Variants in PCDHGA5 observed in about 807,000 individuals in gnomAD.
PCDHGA5 encodes protocadherin gamma subfamily A, 5.
PCDHGA5 carries 36 observed loss-of-function variants against 56.7 expected under a neutral mutation model. The observed-to-expected ratio is 0.64, with a 90% CI of 0.49 to 0.84. PCDHGA5 has a LOEUF of 0.84. Ranked by LOEUF, PCDHGA5 falls within the 40% of genes least tolerant of loss-of-function variation. The pLI, the probability that PCDHGA5 is intolerant of heterozygous loss-of-function variation, is 0.00. For missense variants in PCDHGA5, 1,305 were observed against 1,201.5 expected, an observed-to-expected ratio of 1.09 and a Z score of -1.27; for synonymous variants, 563 against 520.2, an observed-to-expected ratio of 1.08 and a Z score of -1.12.
At chr5:141,403,721 C>G (rs748888364) in intron 1 of PCDHGA5, 2 of 1,613,872 alleles carry the variant, frequency 1.2e-6, no homozygotes, top group East Asian at 2.2e-5. Flanking sequence ...GAACGTGCCC[C>G]CAGGCACCTG....
chr5:141,423,806 T>C (rs2096783171), intron 1 of PCDHGA5: 1 of 1,251,576 alleles, frequency 8.0e-7, no homozygotes, highest in Non-Finnish European at 1.0e-6. Flanking sequence ...GCAATACATG[T>C]GAGTTTTACT....
Position 141,485,920 on chromosome 5 carries a change from T to C in PCDHGA5, c.2422-8887T>C, listed in dbSNP as rs1374948804. ...CCTTCCAGCAATCCAGCTACAGGAT[T>C]AGTGTGTTGGAGAGCGCACCAGCGG... On this transcript the variant is annotated intron_variant, in intron 1 of 3. Transcript: ENST00000518069. This position sits in a 1 kb window ranked among gnomAD's most constrained non-coding sequence, Gnocchi z 5.7. 1.2e-6 allele frequency: 2 copies of C among 1,614,038 alleles called. No individual in the cohort carries two copies. Among genetic ancestry groups the C allele is most frequent in the Non-Finnish European group, 1.7e-6 (2 of 1,180,010 alleles).
chr5:141,377,666 T>C (rs1416026384), intron 1 of PCDHGA5: 1 of 152,116 alleles, frequency 6.6e-6, no homozygotes, highest in Admixed American at 6.5e-5. Context: ...ACGACAGACG[T>C]TCATACAAGA....
rs1241061038 is a variant in PCDHGA5 at position 141,394,846 on chromosome 5, T to C, written c.2421+28095T>C. ...GAAGTCCTGACCGAGTTGGGCAGTC[T>C]GAAGCCTTCGGTCGACCCGAACGAT... On this transcript the variant is annotated intron_variant, in intron 1 of 3. Coordinates refer to ENST00000518069, the MANE Select transcript of PCDHGA5 (RefSeq NM_018918.3). The C allele has an allele frequency of 1.9e-6, 3 of 1,613,732 alleles. No homozygotes were observed. In the African/African-American group the frequency reaches 4.0e-5, roughly 22 times the overall value.
chr5:141,458,970 C>T (rs1260904595), intron 1 of PCDHGA5, among the ~76,000 whole-genome samples: 1 of 152,170 alleles, frequency 6.6e-6, no homozygotes, highest in Admixed American at 6.6e-5. Flanking sequence ...CAGCCTCAAG[C>T]AGTCCTCCTG....
chr5:141,368,303 C>A lies in PCDHGA5; in HGVS notation c.2421+1552C>A, dbSNP rs981191656. ...CCACTTGATTTTTATTTTTTAAACA[C>A]TGTTAAAGAGCATTCAAGTATATCT... On this transcript the variant is annotated intron_variant, in intron 1 of 3. Transcript: ENST00000518069. Among the ~76,000 whole-genome samples, 12 of 152,184 alleles carry A rather than the reference C, an allele frequency of 7.9e-5. No homozygotes were observed. In the East Asian group the frequency reaches 2.3e-3, roughly 29 times the overall value.
chr5:141,455,852 T>C (rs2154565235), intron 1 of PCDHGA5, among the ~76,000 whole-genome samples: 1 of 148,622 alleles, frequency 6.7e-6, no homozygotes, highest in South Asian at 2.1e-4. Context: ...CATAAAATAA[T>C]TTCTTTTATT....
At chr5:141,423,100 G>A in intron 1 of PCDHGA5, 1 of 1,613,944 alleles carries the variant, frequency 6.2e-7, no homozygotes, top group Non-Finnish European at 8.5e-7. Context: ...GGAGCACACG[G>A]GCGAGGTGCG....
intron 1 of PCDHGA5, among the ~76,000 whole-genome samples, chr5:141,373,236 T>A (rs1331345461): frequency 2.6e-5 from 4 of 152,248 alleles, no homozygotes; most frequent in African/African-American, 9.6e-5. Context: ...ATAATATTTT[T>A]ACTTCCCTTT....
intron 1 of PCDHGA5, chr5:141,421,750 C>G: frequency 6.2e-7 from 1 of 1,613,906 alleles, no homozygotes; most frequent in East Asian, 2.2e-5. Flanking sequence ...CCAGCTCAGC[C>G]CTAATAATTA....
At position 141,409,941 on chromosome 5, in the gene PCDHGA5, G is replaced by C. The variant is rs757414302; in HGVS notation, c.2421+43190G>C. ...TCCGCGTTCTTCGATATGGTACCTC[G>C]CTCTGCAGAGCCCGGCTACCTAGTG... On this transcript the variant is annotated intron_variant, in intron 1 of 3. Transcript: ENST00000518069. 1.9e-6 allele frequency: 3 copies of C among 1,613,226 alleles called. No homozygotes were observed. In the South Asian group the frequency reaches 3.3e-5, roughly 18 times the overall value.
In PCDHGA5 at chr5:141,382,919, G is replaced by A. The variant is rs1467219150; in HGVS notation, c.2421+16168G>A. 14 of 1,559,330 alleles carry A rather than the reference G, an allele frequency of 9.0e-6. No homozygotes were observed. Among genetic ancestry groups the A allele is most frequent in the Non-Finnish European group, 1.1e-5 (13 of 1,152,236 alleles). ...ACGACTATGGCGGCTCAGCCGAGGG[G>A]CGGGGACTACAGAGGATTCTTCCTG... On this transcript the variant is annotated intron_variant, in intron 1 of 3. Coordinates refer to ENST00000518069, the MANE Select transcript of PCDHGA5 (RefSeq NM_018918.3).
In PCDHGA5 at chr5:141,405,165, C is replaced by G. The variant is rs745998723; in HGVS notation, c.2421+38414C>G. 1.9e-6 allele frequency: 3 copies of G among 1,613,978 alleles called. No individual in the cohort carries two copies. In the South Asian group the frequency reaches 3.3e-5, roughly 18 times the overall value. On this transcript the variant is annotated intron_variant, in intron 1 of 3. Transcript: ENST00000518069. Reference sequence around the variant, plus strand: ...GATGGGTTGGCTGGTGTGCCCACCTCACACTTTGTGGGTGTAGATGGGGTT... The same window carrying G: ...GATGGGTTGGCTGGTGTGCCCACCTGACACTTTGTGGGTGTAGATGGGGTT...
intron 1 of PCDHGA5, among the ~76,000 whole-genome samples, chr5:141,458,412 G>A (rs2098945236): frequency 6.6e-6 from 1 of 152,034 alleles, no homozygotes; most frequent in Non-Finnish European, 1.5e-5. Context: ...ACGGAGCGGG[G>A]GTTCCAAAGC....
rs1267965791 is a variant in PCDHGA5, at chr5:141,431,329, G to C, written c.2422-63478G>C. 1 of 1,614,002 alleles carries C rather than the reference G, an allele frequency of 6.2e-7. No individual in the cohort carries two copies. Among genetic ancestry groups the C allele is most frequent in the East Asian group, 2.2e-5 (1 of 44,904 alleles). On this transcript the variant is annotated intron_variant, in intron 1 of 3. Coordinates refer to ENST00000518069, the MANE Select transcript of PCDHGA5 (RefSeq NM_018918.3). The surrounding 1 kb of genome is among the most constrained non-coding windows in gnomAD (Gnocchi z 4.8). ...TGCAAAATGGAGCCGACGGTAGTAA[G>C]TACCCCGAATTGGTGCTGAAACGCG...
At chr5:141,472,980 C>CAAAAAAA (rs60579131) in intron 1 of PCDHGA5, among the ~76,000 whole-genome samples, 1 of 86,102 alleles carries the variant, frequency 1.2e-5, no homozygotes, top group South Asian at 4.3e-4. Flanking sequence ...GAGTGAAACT[C>CAAAAAAA]AAAAAAAAAA....
intron 1 of PCDHGA5, chr5:141,402,899 G>A: frequency 6.6e-7 from 1 of 1,516,814 alleles, no homozygotes; most frequent in Non-Finnish European, 8.8e-7. Context: ...GAAAGAACCT[G>A]ATGAAGCAGC....
intron 1 of PCDHGA5, among the ~76,000 whole-genome samples, chr5:141,438,619 TATATATATATATATATAC>T (rs1380852637): frequency 0.021 from 829 of 39,644 alleles, 15 homozygotes; most frequent in East Asian, 0.054. Context: ...TATATATATA[TATATATATATATATATAC>T]ACACACACAC....
At chr5:141,503,802 G>A (rs2099831646) in intron 2 of PCDHGA5, among the ~76,000 whole-genome samples, 1 of 151,998 alleles carries the variant, frequency 6.6e-6, no homozygotes, top group South Asian at 2.1e-4. Context: ...CTTAGGGACG[G>A]GGAATCCCAG....
Sources: allele counts gnomAD v4.1 joint callset (sites outside exome capture counted in the v4.1 genomes callset), GRCh38; gene constraint gnomAD v4.1.1; non-coding constraint Gnocchi (gnomAD v3.1); transcripts MANE v1.5; gene names NCBI Gene and HGNC (gene_info 2026-07-23, HGNC 2026-07-21).